ATP8A2: variants seen among roughly 807,000 people sequenced by gnomAD.
The protein encoded by ATP8A2 is phospholipid-transporting ATPase IB.
Under a neutral mutation model 165.6 loss-of-function variants are expected in ATP8A2, and 100 were observed. The observed-to-expected ratio is 0.60, with a 90% CI of 0.51 to 0.71. ATP8A2 has a LOEUF of 0.71. ATP8A2 is among the 30% of genes least tolerant of loss of function. ATP8A2 has a pLI of 0.00. For missense variants in ATP8A2, 1,227 were observed against 1,479.5 expected (o/e 0.83, Z 2.80); for synonymous variants, 543 against 548.8 (o/e 0.99, Z 0.15).
intron 33 of ATP8A2, among the ~76,000 whole-genome samples, chr13:25,938,615 T>G (rs1954982678): frequency 6.6e-6 from 1 of 152,128 alleles, no homozygotes; most frequent in Non-Finnish European, 1.5e-5. Context: ...GATCGCCAGC[T>G]CCTTTCATGG....
At chr13:25,476,599 CT>C in intron 2 of ATP8A2, among the ~76,000 whole-genome samples, 2 of 152,198 alleles carry the variant, frequency 1.3e-5, no homozygotes, top group African/African-American at 4.8e-5. Flanking sequence ...AGAATCATAA[CT>C]TTTTTGGTTT....
intron 36 of ATP8A2, 85 bp downstream of exon 36, chr13:26,012,707 A>T: frequency 2.8e-5 from 2 of 70,208 alleles, no homozygotes; most frequent in Non-Finnish European, 4.1e-5. Context: ...GCGGGCGCTG[A>T]TGGGGGGCCG....
At chr13:25,403,364 G>A (rs907351417) in intron 1 of ATP8A2, among the ~76,000 whole-genome samples, 42 of 152,284 alleles carry the variant, frequency 2.8e-4, no homozygotes, top group African/African-American at 9.1e-4. Context: ...CTAAGACAAA[G>A]GTCCCAGATG....
At chr13:26,004,468 T>C (rs1018840846) in intron 35 of ATP8A2, among the ~76,000 whole-genome samples, 1 of 152,114 alleles carries the variant, frequency 6.6e-6, no homozygotes, top group African/African-American at 2.4e-5. Context: ...GAGATAATTT[T>C]GCTTTTTTCT....
chr13:25,915,364 G>A (rs913644400), intron 33 of ATP8A2, among the ~76,000 whole-genome samples: 5 of 152,168 alleles, frequency 3.3e-5, no homozygotes, highest in Non-Finnish European at 7.4e-5. Context: ...TCATAGAGGG[G>A]ACTGAGAGAG....
chr13:25,996,366 A>G (rs899052534), intron 35 of ATP8A2, among the ~76,000 whole-genome samples: 2 of 152,228 alleles, frequency 1.3e-5, no homozygotes, highest in Admixed American at 6.5e-5. Context: ...CAGACCATGT[A>G]TAATTTTCAC....
intron 24 of ATP8A2, among the ~76,000 whole-genome samples, chr13:25,604,558 TCAAC>T (rs1182222271): frequency 6.6e-6 from 1 of 152,230 alleles, no homozygotes; most frequent in African/African-American, 2.4e-5. Context: ...TTAAAGTAAT[TCAAC>T]CAATAAAATG....
chr13:25,834,544 TACTATGA>T (rs1951556830), intron 28 of ATP8A2, among the ~76,000 whole-genome samples: 1 of 152,200 alleles, frequency 6.6e-6, no homozygotes, highest in South Asian at 2.1e-4. Flanking sequence ...GGCACATCCA[TACTATGA>T]ATTATTATGT....
intron 25 of ATP8A2, among the ~76,000 whole-genome samples, chr13:25,738,798 T>C (rs1293842821): frequency 6.6e-6 from 1 of 152,380 alleles, no homozygotes; most frequent in East Asian, 1.9e-4. Context: ...TTTCTTCTAA[T>C]GAGGTGGCAA....
intron 24 of ATP8A2, among the ~76,000 whole-genome samples, chr13:25,622,917 A>G (rs1250060505): frequency 6.6e-6 from 1 of 152,218 alleles, no homozygotes; most frequent in African/African-American, 2.4e-5. Context: ...AGTTAAAGTG[A>G]AAAATTGATT....
chr13:25,872,756 A>C (rs1952712757), intron 33 of ATP8A2, among the ~76,000 whole-genome samples: 1 of 152,178 alleles, frequency 6.6e-6, no homozygotes, highest in South Asian at 2.1e-4. Context: ...CTTATGTATA[A>C]TTTTACATTT....
At chr13:25,829,998 G>T (rs552198194) in intron 28 of ATP8A2, among the ~76,000 whole-genome samples, 1 of 150,030 alleles carries the variant, frequency 6.7e-6, no homozygotes, top group African/African-American at 2.5e-5. Flanking sequence ...CAGACATATT[G>T]CAGTTTTTGC....
intron 33 of ATP8A2, among the ~76,000 whole-genome samples, chr13:25,891,581 C>T (rs1953362431): frequency 6.6e-6 from 1 of 152,136 alleles, no homozygotes; most frequent in Non-Finnish European, 1.5e-5. Context: ...ACCTTGGCCT[C>T]CCAAAGTGCT....
At chr13:26,003,589 A>G (rs189728261) in intron 35 of ATP8A2, among the ~76,000 whole-genome samples, 5 of 152,284 alleles carry the variant, frequency 3.3e-5, no homozygotes. Context: ...TATATTCAAA[A>G]AATTACTGTC....
intron 35 of ATP8A2, among the ~76,000 whole-genome samples, chr13:26,002,848 CTGTGTGTGTGTGTGTGTG>C (rs199795279): frequency 2.0e-4 from 27 of 134,808 alleles, no homozygotes; most frequent in African/African-American, 5.1e-4. Context: ...TAGTATTCCA[CTGTGTGTGTGTGTGTGTG>C]TGTGTGTGTG....
chr13:25,784,938 G>GT (rs1280541475), intron 27 of ATP8A2, among the ~76,000 whole-genome samples: 4 of 151,378 alleles, frequency 2.6e-5, no homozygotes, highest in Non-Finnish European at 4.4e-5. Flanking sequence ...GCTAATTTTT[G>GT]TTTTTTAATA....
At chr13:25,918,499 C>T (rs1321351178) in intron 33 of ATP8A2, among the ~76,000 whole-genome samples, 4 of 152,170 alleles carry the variant, frequency 2.6e-5, no homozygotes, top group Non-Finnish European at 5.9e-5. Flanking sequence ...CAGTGAAAAA[C>T]CAATGTCTGT....
intron 1 of ATP8A2, among the ~76,000 whole-genome samples, chr13:25,455,460 C>G (rs1450499736): frequency 6.6e-6 from 1 of 152,150 alleles, no homozygotes; most frequent in African/African-American, 2.4e-5. Flanking sequence ...ATTACTTAGG[C>G]CTATAATACC....
chr13:25,915,577 G>T (rs1296616983), intron 33 of ATP8A2, among the ~76,000 whole-genome samples: 2 of 152,220 alleles, frequency 1.3e-5, no homozygotes, highest in Non-Finnish European at 2.9e-5. Context: ...GGCACAGGGG[G>T]AGAAGTCCTG....
Sources: allele counts gnomAD v4.1 joint callset (sites outside exome capture counted in the v4.1 genomes callset), GRCh38; gene constraint gnomAD v4.1.1; transcripts MANE v1.5; gene names NCBI Gene and HGNC (gene_info 2026-07-23, HGNC 2026-07-21).